Variants in LRP2 observed in about 807,000 individuals in gnomAD.
LRP2 encodes LDL receptor related protein 2.
Under a neutral mutation model 531.0 loss-of-function variants are expected in LRP2, and 172 were observed. The observed-to-expected ratio is 0.32, with a 90% confidence interval of 0.29 to 0.37. The LOEUF (loss-of-function observed/expected upper bound fraction) is 0.37, where lower values mean the gene tolerates loss of function less well. Among genes scored for constraint, LRP2 ranks in the 10% least tolerant of loss-of-function variants. LRP2 has a pLI of 1.00. For missense variants in LRP2, 5,167 were observed against 5,868.3 expected (o/e 0.88, Z 3.90); for synonymous variants, 1,992 against 2,027.6 (o/e 0.98, Z 0.47).
At position 169,174,311 on chromosome 2, in the gene LRP2, T is replaced by A. The variant is rs2075250; in HGVS notation, c.10769-147A>T. ...GTACTTATCAGTCAGTACTACTACA[T>A]GGAGCACTTCTTCTTTTGACTATTA... On this transcript the variant is annotated intron_variant, in intron 55 of 78. Coordinates refer to ENST00000649046, the MANE Select transcript of LRP2 (RefSeq NM_004525.3). 1.3e-5 allele frequency: 12 copies of A among 896,464 alleles called. No homozygotes were observed. In the East Asian group the frequency reaches 2.9e-4, roughly 22 times the overall value. The allele number at this position is 896,464 out of a possible 1,614,324, so 55.5% of individuals were successfully genotyped here. A position where few individuals can be genotyped will look rare whatever the true frequency, so the allele number is the denominator to read the frequency against.
At chr2:169,170,786 G>A in intron 58 of LRP2, 119 bp from the exon 59 acceptor site, 1 of 768,472 alleles carries the variant, frequency 1.3e-6, no homozygotes. Context: ...AAGCCCCAGA[G>A]GTGTGCTTGG....
intron 6 of LRP2, among the ~76,000 whole-genome samples, 188 bp downstream of exon 6, chr2:169,293,960 C>T (rs536436938): frequency 1.3e-5 from 2 of 152,192 alleles, no homozygotes; most frequent in African/African-American, 4.8e-5. Flanking sequence ...CCAGGTCGAG[C>T]AACACCACAA....
intron 25 of LRP2, 131 bp downstream of exon 25, chr2:169,240,857 A>G (rs1689778649): frequency 3.8e-6 from 4 of 1,053,962 alleles, no homozygotes; most frequent in Non-Finnish European, 5.9e-6. Flanking sequence ...TACCCCCTAC[A>G]CAGATGTGAA....
At chr2:169,155,952 C>A (rs1686314975) in intron 65 of LRP2, among the ~76,000 whole-genome samples, 1 of 152,070 alleles carries the variant, frequency 6.6e-6, no homozygotes, top group Non-Finnish European at 1.5e-5. Flanking sequence ...ATTGTTTGAG[C>A]CTTAAGAAAG....
intron 78 of LRP2, 46 bp from the exon 79 acceptor site, chr2:169,128,876 T>A (rs748255727): frequency 1.4e-4 from 231 of 1,607,212 alleles, no homozygotes; most frequent in Middle Eastern, 3.3e-4. Flanking sequence ...TCCCCCAAGG[T>A]CACCATACAC....
In LRP2 at chr2:169,346,571, G is replaced by A. The variant is rs1574278041; in HGVS notation, c.79+15750C>T. ...AAAGAAAAACAGAGCTAGGCACAGTGGCACACACCTTAGTCCCAGCTATTC... is the reference window on the plus strand; with the variant it reads ...AAAGAAAAACAGAGCTAGGCACAGTAGCACACACCTTAGTCCCAGCTATTC... On this transcript the variant is annotated intron_variant, in intron 1 of 78. Transcript: ENST00000649046. Among the ~76,000 whole-genome samples the A allele has an allele frequency of 2.0e-5, 3 of 152,152 alleles. No homozygotes were observed. In the South Asian group the frequency reaches 6.2e-4, roughly 32 times the overall value.
intron 16 of LRP2, among the ~76,000 whole-genome samples, chr2:169,263,935 T>C (rs1397322659): frequency 1.3e-5 from 2 of 152,160 alleles, no homozygotes; most frequent in Non-Finnish European, 2.9e-5. Context: ...GATGAGTTCA[T>C]GTCCTTTGTA....
chr2:169,159,541 A>C (rs1357767197), intron 63 of LRP2, among the ~76,000 whole-genome samples: 10 of 152,206 alleles, frequency 6.6e-5, no homozygotes, highest in African/African-American at 2.4e-4. Flanking sequence ...ACAACTGTAC[A>C]TTGTTAAAAC....
At chr2:169,155,483 T>C (rs1381002100) in intron 65 of LRP2, among the ~76,000 whole-genome samples, 2 of 152,216 alleles carry the variant, frequency 1.3e-5, no homozygotes, top group Admixed American at 1.3e-4. Flanking sequence ...GCTCAATTTG[T>C]ATGAAGAAAT....
intron 4 of LRP2, among the ~76,000 whole-genome samples, chr2:169,306,641 T>TC (rs1419110290): frequency 6.6e-6 from 1 of 152,232 alleles, no homozygotes; most frequent in Non-Finnish European, 1.5e-5. Flanking sequence ...TCCTATCTTC[T>TC]CATATCCTAA....
chr2:169,194,027 T>G (rs1033159243), intron 46 of LRP2, 135 bp from the exon 47 acceptor site: 15 of 944,600 alleles, frequency 1.6e-5, no homozygotes, highest in Non-Finnish European at 2.5e-5. Context: ...TCTAGGGTAG[T>G]CCTCCAATAA....
chr2:169,144,511 G>C (rs1483551713), intron 70 of LRP2, among the ~76,000 whole-genome samples: 2 of 152,114 alleles, frequency 1.3e-5, no homozygotes, highest in Non-Finnish European at 2.9e-5. Context: ...TCAGGGTCCA[G>C]AGGCGGTAGG....
At chr2:169,151,527 G>A (rs1033155352) in intron 67 of LRP2, among the ~76,000 whole-genome samples, 1 of 152,074 alleles carries the variant, frequency 6.6e-6, no homozygotes, top group African/African-American at 2.4e-5. Context: ...CCTCAGGAAA[G>A]AGCCCCGTTA....
chr2:169,343,587 T>G lies in LRP2; in HGVS notation c.79+18734A>C, dbSNP rs77964154. ...TCCCAGGTACCTATAAGGTAGAAAT[T>G]ACTAACACCCATTGTATAGTCCAGG... On this transcript the variant is annotated intron_variant, in intron 1 of 78. Transcript: ENST00000649046. Among the ~76,000 whole-genome samples, 616 of 152,268 alleles carry G rather than the reference T, an allele frequency of 4.0e-3. 2 individuals are homozygous for G. Among genetic ancestry groups the G allele is most frequent in the Non-Finnish European group, 7.5e-3 (510 of 68,016 alleles).
intron 19 of LRP2, 64 bp downstream of exon 19, chr2:169,256,042 G>A (rs1424868496): frequency 7.2e-6 from 11 of 1,536,418 alleles, no homozygotes; most frequent in Admixed American, 1.7e-5. Context: ...ACATGAGGAT[G>A]AGTTTACTAT....
chr2:169,154,357 C>T (rs915224978), intron 66 of LRP2, 103 bp downstream of exon 66: 3 of 1,109,284 alleles, frequency 2.7e-6, no homozygotes, highest in Admixed American at 3.5e-5. Flanking sequence ...TCCACTAATG[C>T]AACAAAATTC....
chr2:169,319,074 G>A (rs902001378), intron 2 of LRP2, among the ~76,000 whole-genome samples, 190 bp from the exon 3 acceptor site: 5 of 152,162 alleles, frequency 3.3e-5, no homozygotes, highest in African/African-American at 7.2e-5. Flanking sequence ...CTCAGCAACA[G>A]CATCACAACA....
chr2:169,212,209 T>C lies in LRP2; in HGVS notation c.6041-2A>G. 1 of 1,614,012 alleles carries C rather than the reference T, an allele frequency of 6.2e-7. No individual in the cohort carries two copies. The highest frequency in any genetic ancestry group is 1.1e-5 in the South Asian group (1 of 91,078). On this transcript the variant is annotated splice_acceptor_variant, in intron 36 of 78. Coordinates refer to ENST00000649046, the MANE Select transcript of LRP2 (RefSeq NM_004525.3). LOFTEE classifies it high-confidence loss of function. The stretch of plus-strand genomic sequence containing the variant: ...AGCCATTTGAGGATTCGGCGGCATC[T>C]AAATGAAAACAAAATCCATTTGTAA...
At chr2:169,328,061 A>G (rs1574262497) in intron 1 of LRP2, among the ~76,000 whole-genome samples, 3 of 111,224 alleles carry the variant, frequency 2.7e-5, no homozygotes, top group Non-Finnish European at 3.7e-5. Context: ...TCCGGGAGGG[A>G]GGTGGGGTCA....
Sources: allele counts gnomAD v4.1 joint callset (sites outside exome capture counted in the v4.1 genomes callset), GRCh38; gene constraint gnomAD v4.1.1; transcripts MANE v1.5; gene names NCBI Gene and HGNC (gene_info 2026-07-23, HGNC 2026-07-21).